The following PGAP4 variants were observed in gnomAD, a reference collection of about 807,000 sequenced individuals.
PGAP4 encodes post-GPI attachment to proteins GalNAc transferase 4, also known as GPI-N-acetylgalactosamine transferase PGAP4.
In PGAP4, 12 loss-of-function variants were observed where a neutral mutation model predicts 28.2. That is an observed-to-expected ratio of 0.42 (90% CI 0.27 to 0.69). The LOEUF (loss-of-function observed/expected upper bound fraction) is 0.69. Among genes scored for constraint, PGAP4 ranks in the 30% least tolerant of loss-of-function variants. PGAP4 has a pLI of 0.22. For missense variants in PGAP4, 425 were observed against 513.5 expected, an observed-to-expected ratio of 0.83 and a Z score of 1.67; for synonymous variants, 205 against 211.8, an observed-to-expected ratio of 0.97 and a Z score of 0.28.
chr9:101,513,594 T>TA (rs989216958), intron 2 of PGAP4, among the ~76,000 whole-genome samples: 70 of 152,312 alleles, frequency 4.6e-4, no homozygotes, highest in African/African-American at 1.6e-3. Flanking sequence ...ACATGCCTCT[T>TA]AGCAACAGTT....
Position 101,477,167 on chromosome 9 carries a change from A to T in PGAP4, c.-75T>A. The T allele has an allele frequency of 6.8e-7, 1 of 1,478,550 alleles. No individual in the cohort carries two copies. Among genetic ancestry groups the T allele is most frequent in the East Asian group, 2.4e-5 (1 of 42,352 alleles). The allele number at this position is 1,478,550 out of a possible 1,614,324, so 91.6% of individuals were successfully genotyped here. A position where few individuals can be genotyped will look rare whatever the true frequency, so the allele number is the denominator to read the frequency against. On this transcript the variant is annotated splice_region_variant and 5_prime_UTR_variant, in exon 2 of 2. It adds an upstream start codon to the 5' untranslated region. Transcript: ENST00000374848. ...CTCAGGCCAGAGTCATCAGAAATCA[A>T]ACCTAAAGAGAGAGGAAGTAGGGAA...
chr9:101,484,898 T>A (rs1826578385), intron 1 of PGAP4, among the ~76,000 whole-genome samples: 1 of 152,118 alleles, frequency 6.6e-6, no homozygotes, highest in Non-Finnish European at 1.5e-5. Context: ...TATAATTTAG[T>A]GAAGGAGAAA....
rs1485583470 is a variant in PGAP4, at chr9:101,473,391, T to C, written c.*2490A>G. 1.3e-5 allele frequency: 2 copies of C among 152,244 alleles called. No homozygotes were observed. Among genetic ancestry groups the C allele is most frequent in the African/African-American group, 4.8e-5 (2 of 41,456 alleles). The allele number at this position is 152,244 out of a possible 1,614,324, so 9.4% of individuals were successfully genotyped here. A position where few individuals can be genotyped will look rare whatever the true frequency, so the allele number is the denominator to read the frequency against. On this transcript the variant is annotated 3_prime_UTR_variant, in exon 2 of 2. Transcript: ENST00000374848. ...AGGATTAAGTGAGAGACTTCAGCTT[T>C]GGTGTAAAGCTGTCAGCTGCCCTAA...
At chr9:101,521,844 A>T (rs1249682683) in intron 2 of PGAP4, among the ~76,000 whole-genome samples, 2 of 152,062 alleles carry the variant, frequency 1.3e-5, no homozygotes, top group Non-Finnish European at 2.9e-5. Flanking sequence ...TGATGTAGGT[A>T]TTTAGGGCTA....
At chr9:101,487,506 G>A (rs575768428), upstream of PGAP4, among the ~76,000 whole-genome samples, 2 of 152,322 alleles carry the variant, frequency 1.3e-5, no homozygotes, top group South Asian at 4.1e-4. Flanking sequence ...TATGCACATT[G>A]ATTGAGAACA....
chr9:101,500,949 A>T (rs537086964), intron 2 of PGAP4, among the ~76,000 whole-genome samples: 11 of 152,044 alleles, frequency 7.2e-5, no homozygotes, highest in Non-Finnish European at 7.4e-5. Context: ...GTGATTTCTG[A>T]TTCCTTAAAT....
At chr9:101,522,303 C>T (rs1826995676) in intron 2 of PGAP4, among the ~76,000 whole-genome samples, 1 of 152,122 alleles carries the variant, frequency 6.6e-6, no homozygotes, top group Non-Finnish European at 1.5e-5. Flanking sequence ...CTAGTGCTGT[C>T]AGTGGAGTAT....
chr9:101,510,920 C>CACTTGCCA (rs1393808061), intron 2 of PGAP4, among the ~76,000 whole-genome samples: 1 of 152,172 alleles, frequency 6.6e-6, no homozygotes, highest in Admixed American at 6.5e-5. Flanking sequence ...GCTTAATTGT[C>CACTTGCCA]ACTTGCCACT....
intron 2 of PGAP4, among the ~76,000 whole-genome samples, chr9:101,508,351 C>T (rs897463370): frequency 3.9e-5 from 6 of 152,028 alleles, no homozygotes; most frequent in Admixed American, 2.0e-4. Context: ...TTCATAACTT[C>T]GGAATGCTTT....
At chr9:101,493,823 A>G (rs1406003430) in intron 2 of PGAP4, among the ~76,000 whole-genome samples, 1 of 152,086 alleles carries the variant, frequency 6.6e-6, no homozygotes, top group Non-Finnish European at 1.5e-5. Flanking sequence ...GTTTTAGTTT[A>G]TAGAGCTTTA....
chr9:101,492,608 T>C (rs1826700867), intron 2 of PGAP4, among the ~76,000 whole-genome samples: 1 of 152,160 alleles, frequency 6.6e-6, no homozygotes, highest in Non-Finnish European at 1.5e-5. Flanking sequence ...TTGGGTTTTT[T>C]TTCTAGTAGG....
chr9:101,508,283 G>A (rs1052263905), intron 2 of PGAP4, among the ~76,000 whole-genome samples: 10 of 152,100 alleles, frequency 6.6e-5, no homozygotes, highest in East Asian at 1.9e-4. Flanking sequence ...GCACTTGCCC[G>A]TGCCTGTATT....
intron 1 of PGAP4, among the ~76,000 whole-genome samples, chr9:101,478,019 G>A (rs1281998786): frequency 1.3e-5 from 2 of 152,192 alleles, no homozygotes; most frequent in African/African-American, 4.8e-5. Context: ...GCATGGGCCT[G>A]AGGCCAGGCT....
chr9:101,529,401 C>T (rs549978307), intron 2 of PGAP4, among the ~76,000 whole-genome samples: 16 of 152,262 alleles, frequency 1.1e-4, no homozygotes, highest in African/African-American at 1.9e-4. Flanking sequence ...GTGATCCGCC[C>T]GCCTTGGCCT....
intron 2 of PGAP4, among the ~76,000 whole-genome samples, chr9:101,511,302 C>T (rs1826896426): frequency 6.6e-6 from 1 of 152,118 alleles, no homozygotes; most frequent in South Asian, 2.1e-4. Flanking sequence ...GGCCAAGGAC[C>T]TGTTACCAGT....
At chr9:101,499,376 T>C (rs2118591033) in intron 2 of PGAP4, among the ~76,000 whole-genome samples, 1 of 152,000 alleles carries the variant, frequency 6.6e-6, no homozygotes, top group East Asian at 1.9e-4. Context: ...TGATATCATA[T>C]ATGTCAACCT....
At chr9:101,526,967 T>G (rs1405723370) in intron 2 of PGAP4, among the ~76,000 whole-genome samples, 1 of 152,230 alleles carries the variant, frequency 6.6e-6, no homozygotes, top group East Asian at 1.9e-4. Context: ...TCTTCCAAAT[T>G]AACTCATGTG....
Position 101,522,105 on chromosome 9 carries a change from T to C in PGAP4, c.-165+9243A>G, listed in dbSNP as rs1380208353. Among the ~76,000 whole-genome samples the C allele has an allele frequency of 6.6e-5, 10 of 152,310 alleles. No homozygotes were observed. In the South Asian group the frequency reaches 2.1e-3, roughly 32 times the overall value. On this transcript the variant is annotated intron_variant, in intron 2 of 3. Coordinates refer to the PGAP4 transcript ENST00000374851. ...TTGATATAATTTCAATTTTCTTAAA[T>C]TTACTGGGGCTCATTTTATGGTCTA...
At chr9:101,492,702 C>T (rs1826701912) in intron 2 of PGAP4, among the ~76,000 whole-genome samples, 1 of 151,974 alleles carries the variant, frequency 6.6e-6, no homozygotes, top group South Asian at 2.1e-4. Flanking sequence ...GTTTTTCTTT[C>T]TTCCCTCAGC....
Sources: allele counts gnomAD v4.1 joint callset (sites outside exome capture counted in the v4.1 genomes callset), GRCh38; gene constraint gnomAD v4.1.1; transcripts MANE v1.5; gene names NCBI Gene and HGNC (gene_info 2026-07-23, HGNC 2026-07-21).